KCTD21: variants seen among roughly 807,000 people sequenced by gnomAD.
KCTD21 encodes BTB/POZ domain-containing protein KCTD21.
In KCTD21, 9 loss-of-function variants were observed where a neutral mutation model predicts 13.2. The ratio of observed to expected loss-of-function variants is 0.68; its 90% CI spans 0.41 to 1.19. KCTD21 has a LOEUF of 1.19. Among genes scored for constraint, KCTD21 ranks in the 50% most tolerant of loss-of-function variants. KCTD21 has a pLI of 0.01. For missense variants in KCTD21, 303 were observed against 336.5 expected (o/e 0.90, Z 0.78); for synonymous variants, 142 against 137.4 (o/e 1.03, Z -0.23).
At chr11:78,176,313 A>C (rs907947800) in intron 1 of KCTD21, 1 of 152,132 alleles carries the variant, frequency 6.6e-6, no homozygotes, top group Non-Finnish European at 1.5e-5. Context: ...TAACACCCCA[A>C]GCTTCTCTGA....
rs1862881902 is a variant in KCTD21, at chr11:78,188,424, C to T, written c.-30+149G>A. 5.1e-6 allele frequency: 5 copies of T among 985,620 alleles called. No individual in the cohort carries two copies. The African/African-American group carries it at 7.0e-5, about 14-fold the overall frequency. 61.1% of individuals were successfully genotyped at this position (985,620 alleles called of 1,614,324 possible). A position where few individuals can be genotyped will look rare whatever the true frequency, so the allele number is the denominator to read the frequency against. On this transcript the variant is annotated intron_variant, in intron 1 of 1. Transcript: ENST00000340067. ...CTCGCTCCGAAACGCGCCCCCTCCCCCGCACCACAGGCGATGCCATCCCCA... is the reference window on the plus strand; with the variant it reads ...CTCGCTCCGAAACGCGCCCCCTCCCTCGCACCACAGGCGATGCCATCCCCA...
At chr11:78,187,943 G>A (rs1448316454) in intron 1 of KCTD21, 2 of 984,864 alleles carry the variant, frequency 2.0e-6, no homozygotes, top group African/African-American at 1.7e-5. Context: ...CCTGTCAACC[G>A]CTATAGTGAC....
rs555798938 is a variant in KCTD21 at position 78,188,359 on chromosome 11, C to T, written c.-30+214G>A. The T allele has an allele frequency of 3.2e-5, 32 of 985,348 alleles. 1 individual carries two copies. In the South Asian group the frequency reaches 1.4e-3, roughly 42 times the overall value. 61.0% of individuals were successfully genotyped at this position (985,348 alleles called of 1,614,324 possible). On this transcript the variant is annotated intron_variant, in intron 1 of 1. Transcript: ENST00000340067. The stretch of plus-strand genomic sequence containing the variant: ...TCACCATCCGCCCTTGCTCTCCCAA[C>T]AGCCCCGCCCCTCTAAGAGCTCTGC...
intron 1 of KCTD21, chr11:78,176,160 A>C (rs919267949): frequency 8.5e-5 from 13 of 152,186 alleles, no homozygotes; most frequent in Middle Eastern, 3.2e-3. Context: ...GTTGGTTCCA[A>C]GTCTTTGCTA....
intron 1 of KCTD21, chr11:78,187,632 C>T (rs1862827783): frequency 1.0e-6 from 1 of 985,318 alleles, no homozygotes; most frequent in Admixed American, 6.1e-5. Context: ...TCAAACCGCT[C>T]TCTTCCTATG....
chr11:78,185,255 G>GT (rs1336669242), intron 1 of KCTD21, among the ~76,000 whole-genome samples: 1 of 152,132 alleles, frequency 6.6e-6, no homozygotes, highest in Non-Finnish European at 1.5e-5. Flanking sequence ...GTGATTTGGC[G>GT]TATCTAGGTT....
chr11:78,184,968 G>C (rs1565387536), intron 1 of KCTD21, among the ~76,000 whole-genome samples: 1 of 152,102 alleles, frequency 6.6e-6, no homozygotes, highest in Non-Finnish European at 1.5e-5. Flanking sequence ...GAACTCCTGG[G>C]CTCAAGCAAT....
At chr11:78,183,542 A>T (rs1862689758) in intron 1 of KCTD21, among the ~76,000 whole-genome samples, 2 of 152,154 alleles carry the variant, frequency 1.3e-5, no homozygotes, top group South Asian at 4.1e-4. Flanking sequence ...TCTCAAAAAC[A>T]AACAAACAAA....
rs1862344844 is a variant in KCTD21 at position 78,173,505 on chromosome 11, G to GCCTCCTTTA, written c.*258_*266dup. On this transcript the variant is annotated 3_prime_UTR_variant, in exon 2 of 2. Coordinates refer to ENST00000340067, the MANE Select transcript of KCTD21 (RefSeq NM_001029859.3). ...GTCCTGGCTGGAAAATCCTCCTATG[G>GCCTCCTTTA]CCTCCTTTAGTACACATCAGCTGAC... The GCCTCCTTTA allele has an allele frequency of 5.5e-6, 2 of 365,548 alleles. No homozygotes were observed. The highest frequency in any genetic ancestry group is 9.3e-5 in the South Asian group (2 of 21,456). The allele number at this position is 365,548 out of a possible 1,614,324, so 22.6% of individuals were successfully genotyped here. A position where few individuals can be genotyped will look rare whatever the true frequency, so the allele number is the denominator to read the frequency against.
chr11:78,174,032 T>C lies in KCTD21; in HGVS notation c.523A>G (p.Thr175Ala). ...TGGTTGGGGTCCTGCAAGTGGCTGG[T>C]GATGGAGGAGAGATTGCCATTGGAG... is the stretch of plus-strand genomic sequence containing the variant. ...YCSNGNLSSI[T>A]SHLQDPNHLT... Residue 175 changes from threonine to alanine, a missense_variant, in exon 2 of 2, where the codon ACC becomes GCC. Physicochemically the swap from Thr to Ala is moderately conservative, Grantham distance 58 (BLOSUM62 0). Coordinates refer to ENST00000340067, the MANE Select transcript of KCTD21 (RefSeq NM_001029859.3). The C allele has an allele frequency of 1.2e-6, 2 of 1,613,360 alleles. No homozygotes were observed. The highest frequency in any genetic ancestry group is 8.5e-7 in the Non-Finnish European group (1 of 1,179,934).
At chr11:78,176,394 CT>C (rs1862450598) in intron 1 of KCTD21, 1 of 152,242 alleles carries the variant, frequency 6.6e-6, no homozygotes, top group Non-Finnish European at 1.5e-5. Context: ...CTATCCACTC[CT>C]TAACAAAGCC....
At chr11:78,176,112 C>A (rs1862445169) in intron 1 of KCTD21, 1 of 152,182 alleles carries the variant, frequency 6.6e-6, no homozygotes, top group Non-Finnish European at 1.5e-5. Flanking sequence ...ATATGTGCCA[C>A]ATTTTCTTAA....
chr11:78,178,375 G>A (rs1386100539), intron 1 of KCTD21, among the ~76,000 whole-genome samples: 3 of 152,020 alleles, frequency 2.0e-5, no homozygotes, highest in Non-Finnish European at 2.9e-5. Context: ...TGATCTGCCC[G>A]CCTCGGCCTC....
At chr11:78,178,711 C>A (rs186876375) in intron 1 of KCTD21, among the ~76,000 whole-genome samples, 1 of 152,178 alleles carries the variant, frequency 6.6e-6, no homozygotes, top group Non-Finnish European at 1.5e-5. Flanking sequence ...AGAGAAAACA[C>A]CAAGGTCTGG....
At chr11:78,177,896 G>T (rs1862500210) in intron 1 of KCTD21, 1 of 152,244 alleles carries the variant, frequency 6.6e-6, no homozygotes, top group South Asian at 2.1e-4. Context: ...CCCTGGGTAG[G>T]TGCCCAAACT....
In KCTD21 at chr11:78,174,468, T is replaced by C. The variant is rs1427641939; in HGVS notation, c.87A>G (p.Leu29=). ...GCATCTTCCCGCTGAACATGGCGCCTAGCATGGAGTCAGGGAAGCTGGTCA... is the reference window on the plus strand; with the variant it reads ...GCATCTTCCCGCTGAACATGGCGCCCAGCATGGAGTCAGGGAAGCTGGTCA... ...ATLTSFPDSM[L]GAMFSGKMPT... is the part of the protein sequence containing the mutation. Residue 29 remains leucine (L), a synonymous_variant, in exon 2 of 2, where the codon CTA becomes CTG. Coordinates refer to ENST00000340067, the MANE Select transcript of KCTD21 (RefSeq NM_001029859.3). 3.7e-6 allele frequency: 6 copies of C among 1,603,774 alleles called. No individual in the cohort carries two copies. The African/African-American group carries it at 4.0e-5, about 11-fold the overall frequency.
chr11:78,188,486 G>A (rs557923234), intron 1 of KCTD21, 87 bp downstream of exon 1: 7 of 985,172 alleles, frequency 7.1e-6, no homozygotes, highest in East Asian at 1.1e-4. Context: ...GGATAGATTA[G>A]TCTCATGGTA....
At chr11:78,175,425 C>T (rs1232747629) in intron 1 of KCTD21, 1 of 152,110 alleles carries the variant, frequency 6.6e-6, no homozygotes, top group Admixed American at 6.5e-5. Flanking sequence ...GGATTCATTC[C>T]TCAAGCTCAG....
At chr11:78,182,214 C>G (rs183576773) in intron 1 of KCTD21, among the ~76,000 whole-genome samples, 1 of 152,128 alleles carries the variant, frequency 6.6e-6, no homozygotes, top group East Asian at 1.9e-4. Flanking sequence ...TTGGTTTTGT[C>G]CCAGTAGGTG....
Sources: allele counts gnomAD v4.1 joint callset (sites outside exome capture counted in the v4.1 genomes callset), GRCh38; gene constraint gnomAD v4.1.1; transcripts MANE v1.5; gene names NCBI Gene and HGNC (gene_info 2026-07-23, HGNC 2026-07-21).